KLHL14: variants seen among roughly 807,000 people sequenced by gnomAD.
KLHL14 encodes the protein kelch-like protein 14.
Under a neutral mutation model 64.3 loss-of-function variants are expected in KLHL14, and 22 were observed. The observed-to-expected ratio is 0.34, with a 90% confidence interval of 0.24 to 0.49. KLHL14 has a LOEUF of 0.49. KLHL14 is among the 20% of genes least tolerant of loss of function. KLHL14 has a pLI of 0.99. For missense variants in KLHL14, 661 were observed against 789.0 expected, an observed-to-expected ratio of 0.84 and a Z score of 1.94; for synonymous variants, 322 against 333.4, an observed-to-expected ratio of 0.97 and a Z score of 0.37.
At position 32,687,009 on chromosome 18, in the gene KLHL14, T is replaced by G. The variant is rs940141770; in HGVS notation, c.1238+146A>C. 1.3e-4 allele frequency: 83 copies of G among 633,822 alleles called. No individual in the cohort carries two copies. The African/African-American group carries it at 1.5e-3, about 11-fold the overall frequency. The allele number at this position is 633,822 out of a possible 1,614,324, so 39.3% of individuals were successfully genotyped here. On this transcript the variant is annotated intron_variant, in intron 5 of 8. Coordinates refer to ENST00000359358, the MANE Select transcript of KLHL14 (RefSeq NM_020805.3). ...TATTGAATTAACAAGGGAGGTCATG[T>G]AAACTGGCTAGGCCAAGTTTTCTAT...
chr18:32,748,050 G>T (rs1187341189), intron 2 of KLHL14, among the ~76,000 whole-genome samples: 1 of 152,108 alleles, frequency 6.6e-6, no homozygotes, highest in Non-Finnish European at 1.5e-5. Context: ...TGTTCATTGC[G>T]GTACTTAATT....
chr18:32,709,019 C>A (rs2050005081), intron 3 of KLHL14, among the ~76,000 whole-genome samples: 1 of 152,148 alleles, frequency 6.6e-6, no homozygotes, highest in African/African-American at 2.4e-5. Flanking sequence ...TTATTTTTCA[C>A]AATTTACTGA....
intron 4 of KLHL14, among the ~76,000 whole-genome samples, chr18:32,689,988 G>A (rs1038107613): frequency 1.3e-5 from 2 of 152,014 alleles, no homozygotes; most frequent in African/African-American, 4.8e-5. Context: ...CAGCTTGGCT[G>A]TGTGGTTTTC....
At chr18:32,694,786 C>T (rs1197739151) in intron 4 of KLHL14, among the ~76,000 whole-genome samples, 1 of 152,218 alleles carries the variant, frequency 6.6e-6, no homozygotes. Context: ...GCTACAACTG[C>T]AACTCCTCCT....
intron 3 of KLHL14, among the ~76,000 whole-genome samples, chr18:32,707,409 G>A (rs1030387628): frequency 5.9e-5 from 9 of 152,206 alleles, no homozygotes; most frequent in Admixed American, 5.2e-4. Flanking sequence ...TACATAGCAG[G>A]CCTAAGGCTG....
chr18:32,737,686 G>C (rs758807710), intron 3 of KLHL14: 2 of 152,028 alleles, frequency 1.3e-5, no homozygotes, highest in Non-Finnish European at 2.9e-5. Flanking sequence ...TATCTGGATG[G>C]GATCAAGTTA....
Position 32,769,958 on chromosome 18 carries a change from C to A in KLHL14, c.634G>T (p.Asp212Tyr). ...KKLANKYLVE[D>Y]VLLLNFEEMR... Reference sequence around the variant, plus strand: ...TCCTCGAAGTTGAGCAGCAGCACATCCTCCACCAGGTACTTGTTGGCCAGC... The same window carrying A: ...TCCTCGAAGTTGAGCAGCAGCACATACTCCACCAGGTACTTGTTGGCCAGC... The change falls in exon 2 of 9, where the codon GAT becomes TAT. Residue 212 changes from aspartate to tyrosine, a missense_variant. Physicochemically the swap from Asp to Tyr is radical, Grantham distance 160. Around this residue, in one of 2 missense-constraint regions of KLHL14, gnomAD observed 331 missense variants for 339.0 expected, o/e 0.98. Transcript: ENST00000359358. 1 of 1,614,226 alleles carries A rather than the reference C, an allele frequency of 6.2e-7. No individual in the cohort carries two copies. Among genetic ancestry groups the A allele is most frequent in the Non-Finnish European group, 8.5e-7 (1 of 1,180,048 alleles).
At chr18:32,684,324 C>T (rs564966531) in intron 5 of KLHL14, among the ~76,000 whole-genome samples, 2 of 152,314 alleles carry the variant, frequency 1.3e-5, no homozygotes, top group South Asian at 2.1e-4. Context: ...GCCATGTGCC[C>T]ATTTCCCTGC....
chr18:32,727,213 G>A (rs552397542), intron 3 of KLHL14, among the ~76,000 whole-genome samples: 3 of 152,290 alleles, frequency 2.0e-5, no homozygotes, highest in Admixed American at 1.3e-4. Flanking sequence ...TTTAAACAAA[G>A]TATGGGAAAC....
rs746283637 is a variant in KLHL14, at chr18:32,770,134, G to A, written c.458C>T (p.Thr153Met). ...GCTGACCGACAGCACCTCCTCCACC[G>A]TGTCCAGGGACAGGGTCACGTTGGC... ...YTANVTLSLDTVEEVLSVSKI... is the reference protein window; with the variant it reads ...YTANVTLSLDMVEEVLSVSKI... Residue 153 changes from threonine to methionine, a missense_variant, in exon 2 of 9, where the codon ACG becomes ATG. Transcript: ENST00000359358. This position sits in a 1 kb window ranked among gnomAD's most constrained non-coding sequence, Gnocchi z 6.7. The A allele has an allele frequency of 1.1e-5, 17 of 1,614,078 alleles. No individual in the cohort carries two copies. The highest frequency in any genetic ancestry group is 1.4e-5 in the Non-Finnish European group (16 of 1,180,052).
intron 3 of KLHL14, 140 bp from the exon 4 acceptor site, chr18:32,695,692 GCCACTACT>G (rs2049933398): frequency 1.6e-6 from 1 of 629,506 alleles, no homozygotes; most frequent in African/African-American, 1.8e-5. Context: ...AGGTGGCCAA[GCCACTACT>G]CACCAATCCA....
chr18:32,750,848 A>G (rs1568082413), intron 2 of KLHL14, among the ~76,000 whole-genome samples: 1 of 152,160 alleles, frequency 6.6e-6, no homozygotes, highest in Non-Finnish European at 1.5e-5. Flanking sequence ...ATCCCCATCA[A>G]CACTACATAT....
chr18:32,745,281 C>A (rs923730601), intron 2 of KLHL14: 3 of 152,090 alleles, frequency 2.0e-5, no homozygotes, highest in African/African-American at 7.2e-5. Context: ...TTATTTAATT[C>A]TAAATAAAAC....
At chr18:32,695,851 C>G (rs2049934210) in intron 3 of KLHL14, among the ~76,000 whole-genome samples, 1 of 152,148 alleles carries the variant, frequency 6.6e-6, no homozygotes, top group Non-Finnish European at 1.5e-5. Flanking sequence ...GTTCTCCTAG[C>G]CTGCCTGATG....
rs750750869 is a variant in KLHL14 at position 32,680,385 on chromosome 18, A to G, written c.1429+24T>C. On this transcript the variant is annotated intron_variant, in intron 6 of 8. Coordinates refer to ENST00000359358, the MANE Select transcript of KLHL14 (RefSeq NM_020805.3). This position sits in a 1 kb window ranked among gnomAD's most constrained non-coding sequence, Gnocchi z 4.8. ...GAGTGCTTTGGAACTGAACTTTGTA[A>G]CAGAAAGTGGAGGAATTACTTGCCT... 6.2e-7 allele frequency: 1 copy of G among 1,613,618 alleles called. No individual in the cohort carries two copies. The highest frequency in any genetic ancestry group is 1.1e-5 in the South Asian group (1 of 91,072).
intron 2 of KLHL14, among the ~76,000 whole-genome samples, chr18:32,757,379 C>T (rs924351582): frequency 6.6e-6 from 1 of 152,186 alleles, no homozygotes; most frequent in Non-Finnish European, 1.5e-5. Flanking sequence ...TTTTCCGTGT[C>T]GGAATCCACT....
At chr18:32,771,655 A>G (rs1186059576) in intron 1 of KLHL14, among the ~76,000 whole-genome samples, 1 of 151,806 alleles carries the variant, frequency 6.6e-6, no homozygotes, top group African/African-American at 2.4e-5. Flanking sequence ...TTGGAGAGGG[A>G]GCCGGGAGGC....
chr18:32,724,428 A>G (rs1406159683), intron 3 of KLHL14, among the ~76,000 whole-genome samples: 1 of 152,210 alleles, frequency 6.6e-6, no homozygotes, highest in Non-Finnish European at 1.5e-5. Context: ...AGAGCCCTCA[A>G]TACATGTCTT....
intron 3 of KLHL14, among the ~76,000 whole-genome samples, chr18:32,731,939 G>A (rs553387821): frequency 1.6e-4 from 24 of 152,200 alleles, no homozygotes; most frequent in African/African-American, 5.3e-4. Flanking sequence ...AAATGGTTTT[G>A]GCTGAGCGCG....
Sources: gnomAD v4.1 joint callset for allele counts (sites outside exome capture counted in the v4.1 genomes callset) on GRCh38, gnomAD v4.1.1 for gene constraint, gnomAD v4.1.1 regional missense constraint, Gnocchi (gnomAD v3.1) non-coding constraint, MANE v1.5 for transcripts, NCBI Gene and HGNC (gene_info 2026-07-23, HGNC 2026-07-21) for gene names.